The following RBFOX1 variants were observed in gnomAD, a reference collection of about 807,000 sequenced individuals.
The protein encoded by RBFOX1 is RNA binding fox-1 homolog 1, also known as RNA binding protein fox-1 homolog 1.
In RBFOX1, 8 loss-of-function variants were observed where a neutral mutation model predicts 57.7. The observed-to-expected ratio is 0.14, with a 90% CI of 0.08 to 0.25. The LOEUF (loss-of-function observed/expected upper bound fraction) is 0.25, where lower values mean the gene tolerates loss of function less well. Ranked by LOEUF, RBFOX1 falls within the 10% of genes least tolerant of loss-of-function variation. The probability of loss-of-function intolerance (pLI) is 1.00; values close to 1 mark genes in which losing one functional copy is unlikely to be tolerated. For missense variants in RBFOX1, 611 were observed against 548.5 expected (o/e 1.11, Z -1.14); for synonymous variants, 326 against 222.4 (o/e 1.47, Z -4.15).
intron 1 of RBFOX1, among the ~76,000 whole-genome samples, chr16:6,270,514 A>G (rs541329778): frequency 9.9e-5 from 15 of 152,016 alleles, no homozygotes; most frequent in Non-Finnish European, 2.1e-4. Context: ...ATACAGTGAT[A>G]CAGTGTCAGT....
chr16:5,445,442 A>G (rs1469697423), intron 1 of RBFOX1, among the ~76,000 whole-genome samples: 3 of 152,168 alleles, frequency 2.0e-5, no homozygotes, highest in Non-Finnish European at 4.4e-5. Context: ...TATCCTTAGG[A>G]CCATTATAGT....
chr16:7,091,156 A>G (rs150564852), intron 4 of RBFOX1, among the ~76,000 whole-genome samples: 34 of 152,330 alleles, frequency 2.2e-4, no homozygotes, highest in African/African-American at 6.5e-4. Context: ...GTTGAAACAA[A>G]TAACTCTTTC....
At chr16:7,216,341 G>A (rs189199954) in intron 4 of RBFOX1, among the ~76,000 whole-genome samples, 5 of 151,968 alleles carry the variant, frequency 3.3e-5, no homozygotes, top group Admixed American at 2.6e-4. Context: ...TTTTTCTTCC[G>A]TAAAATGGGA....
At position 6,936,035 on chromosome 16, in the gene RBFOX1, C is replaced by G. The variant is rs915760022; in HGVS notation, c.-15-116022C>G. On this transcript the variant is annotated intron_variant, in intron 3 of 15. Coordinates refer to ENST00000550418, the MANE Select transcript of RBFOX1 (RefSeq NM_018723.4). ...TTGGATAATGGCAAGAGGGTTTCTT[C>G]TCAATGCGCAAGAGTATTTTGCCTG... is the stretch of plus-strand genomic sequence containing the variant. 9.2e-5 allele frequency among the ~76,000 whole-genome samples: 14 copies of G among 152,154 alleles called. 1 individual carries two copies. Among genetic ancestry groups the G allele is most frequent in the African/African-American group, 3.4e-4 (14 of 41,448 alleles).
At chr16:7,474,006 C>T (rs1030588023) in intron 4 of RBFOX1, among the ~76,000 whole-genome samples, 5 of 152,022 alleles carry the variant, frequency 3.3e-5, no homozygotes, top group Middle Eastern at 3.2e-3. Flanking sequence ...AACAGCCCCC[C>T]GGCCGGGCAT....
chr16:7,567,513 C>CTA (rs773576718), intron 5 of RBFOX1, among the ~76,000 whole-genome samples: 10 of 116,558 alleles, frequency 8.6e-5, no homozygotes, highest in African/African-American at 2.7e-4. Context: ...ATGTATGGCC[C>CTA]TATATATATA....
At chr16:7,701,892 T>G (rs1041289391) in intron 14 of RBFOX1, among the ~76,000 whole-genome samples, 1 of 152,220 alleles carries the variant, frequency 6.6e-6, no homozygotes, top group Non-Finnish European at 1.5e-5. Context: ...AGTAGTTATG[T>G]TAATGCTTTC....
intron 3 of RBFOX1, among the ~76,000 whole-genome samples, chr16:6,866,580 C>A (rs1056133273): frequency 9.3e-5 from 10 of 107,912 alleles, no homozygotes; most frequent in Admixed American, 7.9e-4. Context: ...CTCGCTCTGT[C>A]CCCCAGGCTG....
intron 3 of RBFOX1, among the ~76,000 whole-genome samples, chr16:6,722,299 C>T (rs901949663): frequency 2.5e-4 from 38 of 149,134 alleles, no homozygotes; most frequent in South Asian, 6.5e-4. Flanking sequence ...TCCACAGCCT[C>T]GCCAACTTTT....
At chr16:6,728,542 A>T (rs963886534) in intron 3 of RBFOX1, among the ~76,000 whole-genome samples, 2 of 152,206 alleles carry the variant, frequency 1.3e-5, no homozygotes, top group Admixed American at 6.5e-5. Flanking sequence ...GACATGTAGC[A>T]AACAGCTCAT....
At chr16:5,349,318 A>G (rs1037987303) in intron 1 of RBFOX1, among the ~76,000 whole-genome samples, 1 of 152,180 alleles carries the variant, frequency 6.6e-6, no homozygotes, top group South Asian at 2.1e-4. Flanking sequence ...GTTATGCAAG[A>G]TGCATATGTT....
At chr16:6,876,643 G>A (rs958144899) in intron 3 of RBFOX1, among the ~76,000 whole-genome samples, 8 of 151,788 alleles carry the variant, frequency 5.3e-5, no homozygotes, top group Admixed American at 2.6e-4. Context: ...TTTTTTCTAA[G>A]AGTACATTTC....
rs916986800 is a variant in RBFOX1 at position 7,653,828 on chromosome 16, G to A, written c.771G>A (p.Pro257=). The change falls in exon 12 of 16, where the codon CCG becomes CCA. Residue 257 remains proline, a synonymous_variant. Coordinates refer to ENST00000550418, the MANE Select transcript of RBFOX1 (RefSeq NM_018723.4). ...CTTGCCCCGCAGTGCCAGGCTTCCC[G>A]TATCCAGCAGCCACCGCCGCGGCCG... The part of the protein sequence containing the change: ...LVYTSAMPGF[P]YPAATAAAAY... 11 of 1,607,608 alleles carry A rather than the reference G, an allele frequency of 6.8e-6. No homozygotes were observed. The highest frequency in any genetic ancestry group is 3.3e-5 in the Admixed American group (2 of 59,966).
At chr16:6,174,762 C>T (rs759508826) in intron 1 of RBFOX1, among the ~76,000 whole-genome samples, 19 of 152,170 alleles carry the variant, frequency 1.2e-4, no homozygotes, top group Non-Finnish European at 1.6e-4. Context: ...AACTTCAGTG[C>T]ATATGCTAGG....
chr16:5,939,537 C>T (rs960647703), intron 4 of RBFOX1, among the ~76,000 whole-genome samples: 19 of 152,130 alleles, frequency 1.2e-4, no homozygotes, highest in African/African-American at 3.4e-4. Context: ...GGCTGCTGGC[C>T]GCCCTTCAGA....
intron 1 of RBFOX1, among the ~76,000 whole-genome samples, chr16:6,024,856 G>A (rs537118134): frequency 1.3e-5 from 2 of 152,330 alleles, no homozygotes; most frequent in South Asian, 2.1e-4. Flanking sequence ...ACTATTGAAA[G>A]CACTTCAAGT....
intron 2 of RBFOX1, among the ~76,000 whole-genome samples, chr16:6,600,438 C>T (rs1052091856): frequency 6.6e-6 from 1 of 152,170 alleles, no homozygotes; most frequent in East Asian, 1.9e-4. Context: ...TCTGCACACT[C>T]GTGTTCATAG....
chr16:6,706,461 C>T (rs555920216), intron 3 of RBFOX1, among the ~76,000 whole-genome samples: 21 of 152,182 alleles, frequency 1.4e-4, no homozygotes, highest in East Asian at 5.8e-4. Context: ...GGATGGGGGG[C>T]CCCTGTAGGA....
Position 6,710,264 on chromosome 16 carries a change from T to A in RBFOX1, c.-16+55614T>A, listed in dbSNP as rs75180726. Among the ~76,000 whole-genome samples, 51 of 152,332 alleles carry A rather than the reference T, an allele frequency of 3.3e-4. 1 individual carries two copies. The East Asian group carries it at 8.5e-3, about 25-fold the overall frequency. On this transcript the variant is annotated intron_variant, in intron 3 of 15. Transcript: ENST00000550418. ...GCCAAATTGTTCCTCTGTAATAGCATTGTCTAGAAGAACATGATTAAAGCT... is the reference window on the plus strand; with the variant it reads ...GCCAAATTGTTCCTCTGTAATAGCAATGTCTAGAAGAACATGATTAAAGCT...
Sources: gnomAD v4.1 joint callset for allele counts (sites outside exome capture counted in the v4.1 genomes callset) on GRCh38, gnomAD v4.1.1 for gene constraint, MANE v1.5 for transcripts, NCBI Gene and HGNC (gene_info 2026-07-23, HGNC 2026-07-21) for gene names.